Variants in DCDC2 observed in about 807,000 individuals in gnomAD.
DCDC2 encodes the protein doublecortin domain containing 2.
DCDC2 carries 40 observed loss-of-function variants against 50.2 expected under a neutral mutation model. The observed-to-expected ratio is 0.80, with a 90% CI of 0.62 to 1.04. The LOEUF (loss-of-function observed/expected upper bound fraction) is 1.04. Among genes scored for constraint, DCDC2 ranks in the 50% least tolerant of loss-of-function variants. The pLI is 0.00. For synonymous variants in DCDC2, 234 were observed against 210.6 expected (o/e 1.11, Z -0.96); for missense variants, 570 against 581.9 (o/e 0.98, Z 0.21).
intron 7 of DCDC2, among the ~76,000 whole-genome samples, chr6:24,266,478 A>G (rs980938552): frequency 2.0e-5 from 3 of 152,202 alleles, no homozygotes; most frequent in African/African-American, 7.2e-5. Flanking sequence ...TAGGGAAAAA[A>G]TCTAATACTC....
chr6:24,333,842 T>C lies in DCDC2; in HGVS notation c.348+19727A>G, dbSNP rs553043520. 1.2e-3 allele frequency among the ~76,000 whole-genome samples: 182 copies of C among 152,246 alleles called. 3 individuals carry two copies. The highest frequency in any genetic ancestry group is 6.6e-3 in the South Asian group (32 of 4,822). ...AGGCAAGGTGTACAGTAGCTTGGGT[T>C]ATGATGGTAGAGGTGGCAGAAGTGG... On this transcript the variant is annotated intron_variant, in intron 2 of 9. Coordinates refer to ENST00000378454, the MANE Select transcript of DCDC2 (RefSeq NM_016356.5).
At chr6:24,342,029 G>A (rs1035608373) in intron 2 of DCDC2, among the ~76,000 whole-genome samples, 2 of 152,062 alleles carry the variant, frequency 1.3e-5, no homozygotes, top group African/African-American at 4.8e-5. Flanking sequence ...AACCCAATAA[G>A]TTTCTATATC....
chr6:24,285,944 C>T (rs1554116259), intron 6 of DCDC2, among the ~76,000 whole-genome samples: 2 of 152,120 alleles, frequency 1.3e-5, no homozygotes, highest in South Asian at 2.1e-4. Context: ...AATATCTATA[C>T]AGTACACAGA....
At chr6:24,197,734 T>C (rs944714764) in intron 8 of DCDC2, among the ~76,000 whole-genome samples, 2 of 152,148 alleles carry the variant, frequency 1.3e-5, no homozygotes, top group Admixed American at 6.5e-5. Flanking sequence ...ACAAATACAA[T>C]TGAGAAGATC....
chr6:24,231,620 C>G (rs1343024650), intron 7 of DCDC2, among the ~76,000 whole-genome samples: 11 of 151,934 alleles, frequency 7.2e-5, no homozygotes, highest in Admixed American at 7.2e-4. Context: ...CTTAGGAAAC[C>G]TTTATCTGAA....
At chr6:24,348,741 C>A (rs1168448483) in intron 2 of DCDC2, among the ~76,000 whole-genome samples, 1 of 152,302 alleles carries the variant, frequency 6.6e-6, no homozygotes, top group East Asian at 1.9e-4. Context: ...TGACCCACAA[C>A]CCTAATCCAA....
At chr6:24,295,855 T>G (rs1759222556) in intron 4 of DCDC2, among the ~76,000 whole-genome samples, 1 of 152,136 alleles carries the variant, frequency 6.6e-6, no homozygotes, top group African/African-American at 2.4e-5. Context: ...CAGCCCATGG[T>G]CATGGATAGG....
At chr6:24,372,702 T>C in the DCDC2 span, among the ~76,000 whole-genome samples, 5 of 150,466 alleles carry the variant, frequency 3.3e-5, no homozygotes, top group African/African-American at 1.2e-4. Context: ...CACTCATAGA[T>C]GGGAACTGAA....
chr6:24,174,455 A>G lies in DCDC2; in HGVS notation c.*275T>C. On this transcript the variant is annotated 3_prime_UTR_variant, in exon 10 of 10. Transcript: ENST00000378454. ...AGTGATCCTATTTTTCATCCTTTAC[A>G]AGTGGCAATTGTCTTCCAGTGCAAA... is the stretch of plus-strand genomic sequence containing the variant. The G allele has an allele frequency of 4.2e-6, 1 of 240,466 alleles. No individual in the cohort carries two copies. The highest frequency in any genetic ancestry group is 1.4e-3 in the Middle Eastern group (1 of 708). The allele number at this position is 240,466 out of a possible 1,614,324, so 14.9% of individuals were successfully genotyped here.
At chr6:24,236,158 C>T (rs793833) in intron 7 of DCDC2, among the ~76,000 whole-genome samples, 115,990 of 151,972 alleles carry the variant, frequency 0.76, 44,592 homozygotes, top group Non-Finnish European at 0.8. Flanking sequence ...AAAGAACAAA[C>T]CTGAAGGTGT....
intron 2 of DCDC2, among the ~76,000 whole-genome samples, chr6:24,315,743 C>A (rs757693303): frequency 6.6e-6 from 1 of 152,044 alleles, no homozygotes; most frequent in Non-Finnish European, 1.5e-5. Flanking sequence ...AATGCAGGGC[C>A]TCCTACACCA....
intron 2 of DCDC2, among the ~76,000 whole-genome samples, chr6:24,351,368 G>A (rs1315398515): frequency 6.6e-6 from 1 of 152,210 alleles, no homozygotes; most frequent in Non-Finnish European, 1.5e-5. Context: ...GAGTGGGAGA[G>A]AGGACTCTAG....
In DCDC2 at chr6:24,288,840, T is replaced by A. The variant is rs1489696429; in HGVS notation, c.759+12A>T. The A allele has an allele frequency of 8.1e-6, 13 of 1,607,442 alleles. No individual in the cohort carries two copies. Among genetic ancestry groups the A allele is most frequent in the Non-Finnish European group, 1.1e-5 (13 of 1,174,234 alleles). On this transcript the variant is annotated intron_variant, in intron 6 of 9. Coordinates refer to ENST00000378454, the MANE Select transcript of DCDC2 (RefSeq NM_016356.5). ...ATATAGAACATCAACGAGGAAAGCA[T>A]CTGATACTTACACTCCCTTTAGACT... is the stretch of plus-strand genomic sequence containing the variant.
chr6:24,265,117 A>G (rs954257230), intron 7 of DCDC2, among the ~76,000 whole-genome samples: 1 of 152,118 alleles, frequency 6.6e-6, no homozygotes, highest in African/African-American at 2.4e-5. Flanking sequence ...CCTGGGCAAC[A>G]TAGTGAAACC....
chr6:24,302,238 CAAGAA>C lies in DCDC2; in HGVS notation c.349-199_349-195del, dbSNP rs1463920286. On this transcript the variant is annotated intron_variant, in intron 2 of 9. Transcript: ENST00000378454. ...TATTATAAGCCCTTAACAAAGCTCTCAAGAAAAGAAAGGAAAATTTCCCTTAAGCC... is the reference window on the plus strand; with the variant it reads ...TATTATAAGCCCTTAACAAAGCTCTCAAGAAAGGAAAATTTCCCTTAAGCC... Among the ~76,000 whole-genome samples, 7 of 136,584 alleles carry C rather than the reference CAAGAA, an allele frequency of 5.1e-5. No homozygotes were observed. In the East Asian group the frequency reaches 1.5e-3, roughly 29 times the overall value. The allele number at this position is 136,584 out of a possible 152,430, so 89.6% of individuals were successfully genotyped here.
the DCDC2 span, among the ~76,000 whole-genome samples, chr6:24,376,501 G>C: frequency 6.6e-6 from 1 of 152,094 alleles, no homozygotes; most frequent in Non-Finnish European, 1.5e-5. Flanking sequence ...AGCACCAAAG[G>C]GTGCTAGAGT....
the DCDC2 span, among the ~76,000 whole-genome samples, chr6:24,373,415 A>T: frequency 6.6e-6 from 1 of 152,262 alleles, no homozygotes; most frequent in Non-Finnish European, 1.5e-5. Flanking sequence ...AAATCAACTC[A>T]GCAGCATGCG....
chr6:24,231,224 C>T (rs1762330886), intron 7 of DCDC2, among the ~76,000 whole-genome samples: 1 of 152,284 alleles, frequency 6.6e-6, no homozygotes, highest in Non-Finnish European at 1.5e-5. Flanking sequence ...TCCAGGTTTG[C>T]TGTGTGTCTC....
At chr6:24,380,414 T>C in the DCDC2 span, among the ~76,000 whole-genome samples, 8 of 152,126 alleles carry the variant, frequency 5.3e-5, no homozygotes, top group Admixed American at 2.0e-4. Flanking sequence ...GACCCACAGG[T>C]CTTAAAGTGG....
Sources: allele counts gnomAD v4.1 joint callset (sites outside exome capture counted in the v4.1 genomes callset), GRCh38; gene constraint gnomAD v4.1.1; transcripts MANE v1.5; gene names NCBI Gene and HGNC (gene_info 2026-07-23, HGNC 2026-07-21).